Variants in PCDH15 observed in about 807,000 individuals in gnomAD.
PCDH15 encodes the protein protocadherin related 15, also known as protocadherin-15.
In PCDH15, 129 loss-of-function variants were observed where a neutral mutation model predicts 178.5. The observed-to-expected ratio is 0.72, with a 90% confidence interval of 0.63 to 0.84. The LOEUF (loss-of-function observed/expected upper bound fraction) is 0.84, where lower values mean the gene tolerates loss of function less well. Among genes scored for constraint, PCDH15 ranks in the 40% least tolerant of loss-of-function variants. The pLI is 0.00. For synonymous variants in PCDH15, 800 were observed against 732.0 expected (o/e 1.09, Z -1.50); for missense variants, 2,230 against 2,099.9 (o/e 1.06, Z -1.21).
intron 3 of PCDH15, among the ~76,000 whole-genome samples, chr10:54,862,731 C>G (rs1953865523): frequency 6.6e-6 from 1 of 152,190 alleles, no homozygotes; most frequent in South Asian, 2.1e-4. Context: ...TTCTTGCTTT[C>G]TCTCTCATCA....
At chr10:55,180,728 C>A (rs992706648) in intron 1 of PCDH15, among the ~76,000 whole-genome samples, 1 of 152,100 alleles carries the variant, frequency 6.6e-6, no homozygotes, top group Non-Finnish European at 1.5e-5. Flanking sequence ...GCAAAAATAT[C>A]ATGAAATTAA....
intron 3 of PCDH15, among the ~76,000 whole-genome samples, chr10:54,814,373 A>G (rs1471024175): frequency 6.6e-6 from 1 of 152,186 alleles, no homozygotes; most frequent in African/African-American, 2.4e-5. Flanking sequence ...AAATGACAAC[A>G]CAGAAAAAAA....
intron 1 of PCDH15, among the ~76,000 whole-genome samples, chr10:55,276,077 T>C (rs1047793211): frequency 5.9e-5 from 9 of 151,312 alleles, no homozygotes; most frequent in African/African-American, 2.2e-4. Flanking sequence ...GATTTTTACA[T>C]GTTGATTTTT....
intron 1 of PCDH15, 102 bp downstream of exon 1, chr10:54,800,823 A>C (rs940000687): frequency 6.6e-6 from 1 of 152,168 alleles, no homozygotes; most frequent in Non-Finnish European, 1.5e-5. Context: ...AAGTAGCATC[A>C]TGACAGAGAT....
intron 17 of PCDH15, among the ~76,000 whole-genome samples, chr10:54,070,603 T>C (rs1355951761): frequency 6.6e-6 from 1 of 152,110 alleles, no homozygotes; most frequent in East Asian, 1.9e-4. Flanking sequence ...TTGTTGTTGT[T>C]TTTTTTGAGA....
chr10:55,358,893 A>C (rs1845146791), intron 2 of PCDH15, among the ~76,000 whole-genome samples: 1 of 152,136 alleles, frequency 6.6e-6, no homozygotes, highest in Admixed American at 6.6e-5. Context: ...ACATATAATT[A>C]TTTAAAATAT....
At chr10:54,803,259 G>A (rs1004030632), upstream of PCDH15, among the ~76,000 whole-genome samples, 1 of 151,780 alleles carries the variant, frequency 6.6e-6, no homozygotes. Context: ...AACACATATA[G>A]GTTTAAATTA....
intron 2 of PCDH15, among the ~76,000 whole-genome samples, chr10:55,357,828 A>T (rs1181966693): frequency 6.6e-6 from 1 of 152,082 alleles, no homozygotes; most frequent in African/African-American, 2.4e-5. Flanking sequence ...AACTCAATAC[A>T]TCTCTAGTTT....
rs369120466 is a variant in PCDH15, at chr10:53,903,217, C to T, written c.3501+26G>A. The T allele has an allele frequency of 2.5e-4, 395 of 1,610,820 alleles. 7 individuals are homozygous for T. In the South Asian group the frequency reaches 4.1e-3, roughly 17 times the overall value. On this transcript the variant is annotated intron_variant, in intron 26 of 37. Transcript: ENST00000644397. ...CAAAACCTGAGCTTTTACTTTAGTTCTGTATATTAACATAATTCCGCATAC... is the reference window on the plus strand; with the variant it reads ...CAAAACCTGAGCTTTTACTTTAGTTTTGTATATTAACATAATTCCGCATAC...
In PCDH15 at chr10:55,537,411, T is replaced by G. The variant is rs139924290; in HGVS notation, c.-156+90214A>C. ...TATTTATTTTATTTTATTTATGTAT[T>G]TATGTATGTATGTATGTATGTATGT... On this transcript the variant is annotated intron_variant, in intron 2 of 5. Transcript: ENST00000613346. Among the ~76,000 whole-genome samples the G allele has an allele frequency of 4.0e-4, 60 of 150,676 alleles. 1 individual carries two copies. Among genetic ancestry groups the G allele is most frequent in the Non-Finnish European group, 7.7e-4 (52 of 67,504 alleles).
intron 3 of PCDH15, among the ~76,000 whole-genome samples, chr10:54,484,654 GAGA>G (rs1186999996): frequency 6.6e-6 from 1 of 151,804 alleles, no homozygotes; most frequent in African/African-American, 2.4e-5. Context: ...CCGCTCATCA[GAGA>G]AGGAGGAGAG....
At chr10:54,369,522 C>T (rs571329076) in intron 4 of PCDH15, among the ~76,000 whole-genome samples, 5 of 151,838 alleles carry the variant, frequency 3.3e-5, no homozygotes, top group South Asian at 2.1e-4. Flanking sequence ...GGCTAATGAG[C>T]GCACCCACAA....
At position 54,213,951 on chromosome 10, in the gene PCDH15, A is replaced by G. The variant is rs2134107207; in HGVS notation, c.1083T>C (p.Phe361=). The stretch of plus-strand genomic sequence containing the variant: ...CTTAATTTACCTTAATAACCAAATC[A>G]AATTTCTGGTGAAAGTCTCTGTTTA... ...EPVNRDFHQK[F]DLVIKAEQDN... is the part of the protein sequence containing the mutation. Residue 361 remains phenylalanine (F), a synonymous_variant, in exon 10 of 38, where the codon TTT becomes TTC. Coordinates refer to ENST00000644397, the MANE Select transcript of PCDH15 (RefSeq NM_001384140.1). The G allele has an allele frequency of 6.3e-7, 1 of 1,591,418 alleles. No individual in the cohort carries two copies. The highest frequency in any genetic ancestry group is 8.6e-7 in the Non-Finnish European group (1 of 1,159,760).
chr10:55,265,311 G>GATATATATAT (rs146070132), intron 1 of PCDH15, among the ~76,000 whole-genome samples: 18,230 of 143,684 alleles, frequency 0.13, 1,517 homozygotes, highest in East Asian at 0.3. Flanking sequence ...GTATCTCTAT[G>GATATATATAT]ATATATATAT....
intron 18 of PCDH15, among the ~76,000 whole-genome samples, chr10:54,043,227 A>G (rs1052323248): frequency 1.3e-5 from 2 of 152,140 alleles, no homozygotes; most frequent in Admixed American, 1.3e-4. Flanking sequence ...TTGAAAAAGA[A>G]TAAATGAAGC....
At chr10:54,390,827 GA>G (rs1159146234) in intron 3 of PCDH15, among the ~76,000 whole-genome samples, 1 of 152,160 alleles carries the variant, frequency 6.6e-6, no homozygotes, top group Non-Finnish European at 1.5e-5. Flanking sequence ...TCACTAGCCA[GA>G]AAGTTCATGA....
At chr10:55,153,396 T>G (rs1326965324) in intron 2 of PCDH15, among the ~76,000 whole-genome samples, 1 of 152,128 alleles carries the variant, frequency 6.6e-6, no homozygotes, top group Non-Finnish European at 1.5e-5. Flanking sequence ...CTCTCCCAAG[T>G]GGTTCTGCCA....
chr10:55,070,033 G>C (rs979507997), intron 2 of PCDH15, among the ~76,000 whole-genome samples: 2 of 151,912 alleles, frequency 1.3e-5, no homozygotes, highest in Non-Finnish European at 2.9e-5. Context: ...GGCCAGTGAT[G>C]ATGAGTATTT....
At chr10:53,813,604 G>GTAGTT (rs1564517982) in intron 35 of PCDH15, among the ~76,000 whole-genome samples, 1 of 152,116 alleles carries the variant, frequency 6.6e-6, no homozygotes, top group Non-Finnish European at 1.5e-5. Flanking sequence ...ACTTAAATTT[G>GTAGTT]TAGTTAAATA....
Sources: allele counts gnomAD v4.1 joint callset (sites outside exome capture counted in the v4.1 genomes callset), GRCh38; gene constraint gnomAD v4.1.1; transcripts MANE v1.5; gene names NCBI Gene and HGNC (gene_info 2026-07-23, HGNC 2026-07-21).